Variants in ITSN2 observed in about 807,000 individuals in gnomAD.
ITSN2 encodes the protein intersectin 2.
A neutral mutation model predicts 243.7 loss-of-function variants in ITSN2; 156 were observed. That is an observed-to-expected ratio of 0.64 (90% CI 0.56 to 0.73). ITSN2 has a LOEUF of 0.73. Among genes scored for constraint, ITSN2 ranks in the 30% least tolerant of loss-of-function variants. ITSN2 has a pLI of 0.00. For synonymous variants in ITSN2, 703 were observed against 699.9 expected (o/e 1.00, Z -0.07); for missense variants, 1,801 against 1,996.1 (o/e 0.90, Z 1.86).
chr2:24,322,295 GA>G (rs1314458199), intron 2 of ITSN2, among the ~76,000 whole-genome samples: 2 of 152,168 alleles, frequency 1.3e-5, no homozygotes, highest in Non-Finnish European at 2.9e-5. Context: ...ATCAGAGAAG[GA>G]AACAGTGGTA....
rs548041630 is a variant in ITSN2, at chr2:24,334,399, T to C, written c.-33-6284A>G. 21 of 401,268 alleles carry C rather than the reference T, an allele frequency of 5.2e-5. 1 individual carries two copies. The highest frequency in any genetic ancestry group is 4.3e-4 in the South Asian group (20 of 46,712). 24.9% of individuals were successfully genotyped at this position (401,268 alleles called of 1,614,324 possible). A position where few individuals can be genotyped will look rare whatever the true frequency, so the allele number is the denominator to read the frequency against. On this transcript the variant is annotated intron_variant, in intron 1 of 39. Transcript: ENST00000355123. Reference sequence around the variant, plus strand: ...TAGTAGAGATGGGGTTTCACCATCTTGGCCAAACCCCAAACCCCTTGGCCC... The same window carrying C: ...TAGTAGAGATGGGGTTTCACCATCTCGGCCAAACCCCAAACCCCTTGGCCC...
Position 24,204,860 on chromosome 2 carries a change from C to T in ITSN2, c.4762+354G>A, listed in dbSNP as rs1668702078. The T allele has an allele frequency of 2.5e-6, 1 of 402,960 alleles. No homozygotes were observed. The highest frequency in any genetic ancestry group is 5.0e-6 in the Non-Finnish European group (1 of 199,084). 25.0% of individuals were successfully genotyped at this position (402,960 alleles called of 1,614,324 possible). Reference sequence around the variant, plus strand: ...CAGAAGAGTCATCAGTGGCTGGGCGCAGTGGCACTTTGTCAGTGACAAAGT... The same window carrying T: ...CAGAAGAGTCATCAGTGGCTGGGCGTAGTGGCACTTTGTCAGTGACAAAGT... On this transcript the variant is annotated intron_variant, in intron 38 of 39. Transcript: ENST00000355123. The surrounding 1 kb of genome is among the most constrained non-coding windows in gnomAD (Gnocchi z 5.1).
intron 30 of ITSN2, chr2:24,220,334 GTCT>G (rs1670326390): frequency 4.4e-5 from 43 of 985,268 alleles, no homozygotes; most frequent in Middle Eastern, 1.0e-3. Flanking sequence ...GAAATGGAAA[GTCT>G]TCTTTTGTTC....
intron 17 of ITSN2, among the ~76,000 whole-genome samples, chr2:24,284,129 A>AC (rs1445924262): frequency 1.3e-5 from 2 of 152,226 alleles, no homozygotes; most frequent in Non-Finnish European, 2.9e-5. Context: ...CAAGCAGTAA[A>AC]CATAAAGCAC....
intron 22 of ITSN2, among the ~76,000 whole-genome samples, chr2:24,260,503 C>T (rs1320246182): frequency 6.7e-6 from 1 of 149,760 alleles, no homozygotes; most frequent in Non-Finnish European, 1.5e-5. Flanking sequence ...CTCTCATCTT[C>T]TTATTATAAT....
chr2:24,318,166 G>C (rs1684140213), intron 2 of ITSN2, among the ~76,000 whole-genome samples: 1 of 152,024 alleles, frequency 6.6e-6, no homozygotes, highest in African/African-American at 2.4e-5. Flanking sequence ...AAAAAATTTA[G>C]AGACAGGGTC....
At chr2:24,203,948 C>G in intron 39 of ITSN2, 165 bp from the exon 40 acceptor site, 1 of 705,840 alleles carries the variant, frequency 1.4e-6, no homozygotes, top group South Asian at 1.9e-5. Context: ...GGAATGATGG[C>G]AGGTTTGTGT....
intron 15 of ITSN2, among the ~76,000 whole-genome samples, chr2:24,290,595 A>C (rs548069844): frequency 6.6e-6 from 1 of 152,186 alleles, no homozygotes; most frequent in Admixed American, 6.5e-5. Flanking sequence ...AATAGTTTTT[A>C]AGTTGTTTTT....
chr2:24,325,928 TACAC>T (rs776133866), intron 2 of ITSN2, among the ~76,000 whole-genome samples: 1 of 151,454 alleles, frequency 6.6e-6, no homozygotes, highest in Non-Finnish European at 1.5e-5. Context: ...CGTATATACA[TACAC>T]ACACACACAT....
intron 29 of ITSN2, chr2:24,239,480 A>C (rs1417789833): frequency 6.6e-6 from 1 of 152,074 alleles, no homozygotes; most frequent in Non-Finnish European, 1.5e-5. Flanking sequence ...TTTTCTAAAA[A>C]TCAGCTTTGG....
At chr2:24,335,234 C>T (rs1686238441) in intron 1 of ITSN2, 1 of 156,060 alleles carries the variant, frequency 6.4e-6, no homozygotes, top group Non-Finnish European at 1.4e-5. Flanking sequence ...ATCATTTAGT[C>T]CAAAACCCTC....
At chr2:24,290,345 T>C (rs1207336755) in intron 15 of ITSN2, among the ~76,000 whole-genome samples, 1 of 152,222 alleles carries the variant, frequency 6.6e-6, no homozygotes, top group Non-Finnish European at 1.5e-5. Flanking sequence ...GGCCAGAGTC[T>C]TGAATTGTTA....
At chr2:24,203,915 G>T (rs781195333) in intron 39 of ITSN2, 132 bp from the exon 40 acceptor site, 3 of 936,964 alleles carry the variant, frequency 3.2e-6, no homozygotes, top group Non-Finnish European at 4.7e-6. Flanking sequence ...CATGGCTGTT[G>T]AATGTCGTGA....
chr2:24,208,950 A>C (rs762717390), intron 36 of ITSN2, 150 bp downstream of exon 36: 49 of 789,054 alleles, frequency 6.2e-5, no homozygotes, highest in Non-Finnish European at 9.3e-5. Flanking sequence ...AAGGCCTACC[A>C]TGGGACTGGA....
At position 24,325,926 on chromosome 2, in the gene ITSN2, C is replaced by T. The variant is rs532846476; in HGVS notation, c.31+2126G>A. ...CGGTTTTTACACACACACGTATATA[C>T]ATACACACACACACATACACACACA... is the stretch of plus-strand genomic sequence containing the variant. On this transcript the variant is annotated intron_variant, in intron 2 of 39. Coordinates refer to ENST00000355123, the MANE Select transcript of ITSN2 (RefSeq NM_006277.3). Among the ~76,000 whole-genome samples the T allele has an allele frequency of 7.2e-5, 11 of 152,088 alleles. No homozygotes were observed. The South Asian group carries it at 1.9e-3, about 26-fold the overall frequency.
At position 24,204,770 on chromosome 2, in the gene ITSN2, G is replaced by A. The variant is rs1427184742; in HGVS notation, c.4763-352C>T. The A allele has an allele frequency of 2.0e-6, 1 of 489,316 alleles. No homozygotes were observed. The allele number at this position is 489,316 out of a possible 1,614,324, so 30.3% of individuals were successfully genotyped here. On this transcript the variant is annotated intron_variant, in intron 38 of 39. Coordinates refer to ENST00000355123, the MANE Select transcript of ITSN2 (RefSeq NM_006277.3). The surrounding 1 kb of genome is among the most constrained non-coding windows in gnomAD (Gnocchi z 5.1). ...CTGGGAAAACAGTGATAAGAATATT[G>A]GTCCAATATGCGCATTTTAGTGGCA...
chr2:24,292,775 A>G (rs1376265324), intron 15 of ITSN2, among the ~76,000 whole-genome samples: 1 of 152,190 alleles, frequency 6.6e-6, no homozygotes. Flanking sequence ...CCACAGATAA[A>G]CCACACTGCC....
chr2:24,274,230 T>C (rs1311445467), intron 18 of ITSN2, among the ~76,000 whole-genome samples: 1 of 152,170 alleles, frequency 6.6e-6, no homozygotes, highest in Admixed American at 6.5e-5. Context: ...CTTTACTTTC[T>C]CTACTTCTAT....
chr2:24,293,575 A>C lies in ITSN2; in HGVS notation c.1723+113T>G, dbSNP rs894826246. The C allele has an allele frequency of 1.1e-4, 50 of 465,800 alleles. No homozygotes were observed. The Middle Eastern group carries it at 1.6e-3, about 15-fold the overall frequency. 28.9% of individuals were successfully genotyped at this position (465,800 alleles called of 1,614,324 possible). ...ATTTTGAAACTTTAAACTTACAGGC[A>C]AAAAGTGTTATTTATAACAGAATAC... On this transcript the variant is annotated intron_variant, in intron 15 of 39. Transcript: ENST00000355123.
Sources: gnomAD v4.1 joint callset for allele counts (sites outside exome capture counted in the v4.1 genomes callset) on GRCh38, gnomAD v4.1.1 for gene constraint, Gnocchi (gnomAD v3.1) non-coding constraint, MANE v1.5 for transcripts, NCBI Gene and HGNC (gene_info 2026-07-23, HGNC 2026-07-21) for gene names.